The following MAP3K7CL variants were observed in gnomAD, a reference collection of about 807,000 sequenced individuals.
MAP3K7CL encodes MAP3K7 C-terminal-like protein.
In MAP3K7CL, 16 loss-of-function variants were observed where a neutral mutation model predicts 18.6. The ratio of observed to expected loss-of-function variants is 0.86; its 90% CI spans 0.58 to 1.31. The LOEUF (loss-of-function observed/expected upper bound fraction) is 1.31, where lower values mean the gene tolerates loss of function less well. Ranked by LOEUF, MAP3K7CL falls within the 50% of genes most tolerant of loss-of-function variation. The probability of loss-of-function intolerance (pLI) is 0.00; values close to 1 mark genes in which losing one functional copy is unlikely to be tolerated. For synonymous variants in MAP3K7CL, 65 were observed against 66.8 expected (o/e 0.97, Z 0.13); for missense variants, 163 against 174.4 (o/e 0.93, Z 0.37).
At chr21:29,109,111 A>T (rs1326931705) in intron 4 of MAP3K7CL, 2 of 1,535,184 alleles carry the variant, frequency 1.3e-6, no homozygotes, top group African/African-American at 2.7e-5. Flanking sequence ...AATTATGAAG[A>T]CCACCTGGGC....
chr21:29,112,064 A>G (rs2086428762), intron 4 of MAP3K7CL, among the ~76,000 whole-genome samples: 1 of 152,194 alleles, frequency 6.6e-6, no homozygotes, highest in African/African-American at 2.4e-5. Context: ...TGGGAGGCCT[A>G]GGCGGGAGGA....
intron 4 of MAP3K7CL, among the ~76,000 whole-genome samples, chr21:29,110,033 T>C (rs141675144): frequency 1.3e-4 from 20 of 152,368 alleles, no homozygotes; most frequent in Middle Eastern, 3.4e-3. Flanking sequence ...GTGTACTTAC[T>C]TGCATTTCTG....
chr21:29,159,772 A>G (rs1043179491), intron 3 of MAP3K7CL, among the ~76,000 whole-genome samples, 169 bp from the exon 4 acceptor site: 3 of 152,142 alleles, frequency 2.0e-5, no homozygotes, highest in African/African-American at 7.2e-5. Context: ...TTTTCAGTCA[A>G]ATAGAATCAG....
At chr21:29,165,990 T>C (rs528292667) in intron 4 of MAP3K7CL, among the ~76,000 whole-genome samples, 1 of 152,222 alleles carries the variant, frequency 6.6e-6, no homozygotes, top group South Asian at 2.1e-4. Flanking sequence ...TCCTCAAACA[T>C]TTGTCATATC....
intron 2 of MAP3K7CL, among the ~76,000 whole-genome samples, chr21:29,137,537 A>G (rs1447982429): frequency 6.6e-6 from 1 of 152,192 alleles, no homozygotes; most frequent in Non-Finnish European, 1.5e-5. Flanking sequence ...GGTACTAGAT[A>G]CAAAAAAGGG....
At chr21:29,162,298 A>AATTTATGTGTAGCT (rs1270643493) in intron 4 of MAP3K7CL, among the ~76,000 whole-genome samples, 1 of 149,934 alleles carries the variant, frequency 6.7e-6, no homozygotes, top group East Asian at 2.0e-4. Context: ...ATTTAAATTA[A>AATTTATGTGTAGCT]ATTTATGTGT....
chr21:29,123,339 C>T (rs564416302), intron 4 of MAP3K7CL, among the ~76,000 whole-genome samples: 1 of 152,186 alleles, frequency 6.6e-6, no homozygotes, highest in Non-Finnish European at 1.5e-5. Flanking sequence ...CCTGGGATTA[C>T]AGGCATGAGC....
chr21:29,169,739 T>G (rs1003810032), intron 4 of MAP3K7CL, among the ~76,000 whole-genome samples: 1 of 152,212 alleles, frequency 6.6e-6, no homozygotes, highest in African/African-American at 2.4e-5. Context: ...GTAAAGAATC[T>G]CCTTAATTTT....
intron 1 of MAP3K7CL, among the ~76,000 whole-genome samples, chr21:29,086,571 C>T (rs767875734): frequency 6.6e-6 from 1 of 152,144 alleles, no homozygotes; most frequent in Non-Finnish European, 1.5e-5. Context: ...ATTTCACTTC[C>T]GTGATGAGCA....
chr21:29,165,993 G>A (rs1443686965), intron 4 of MAP3K7CL, among the ~76,000 whole-genome samples: 6 of 152,134 alleles, frequency 3.9e-5, no homozygotes, highest in Non-Finnish European at 8.8e-5. Flanking sequence ...TCAAACATTT[G>A]TCATATCTTT....
chr21:29,105,092 G>A (rs1472869750), intron 4 of MAP3K7CL, among the ~76,000 whole-genome samples: 1 of 152,226 alleles, frequency 6.6e-6, no homozygotes, highest in Admixed American at 6.5e-5. Flanking sequence ...GGAGCTGTCT[G>A]ATTTCCACCC....
chr21:29,078,628 A>G (rs1167277949), intron 1 of MAP3K7CL, among the ~76,000 whole-genome samples: 1 of 152,208 alleles, frequency 6.6e-6, no homozygotes, highest in Non-Finnish European at 1.5e-5. Context: ...GTAACTTCCA[A>G]TGTGGGTCAG....
chr21:29,098,813 TC>T (rs1191128025), intron 4 of MAP3K7CL, among the ~76,000 whole-genome samples: 1 of 152,238 alleles, frequency 6.6e-6, no homozygotes, highest in Non-Finnish European at 1.5e-5. Flanking sequence ...CTGGGCTTCT[TC>T]CTTTTGAGGA....
At chr21:29,109,032 C>A (rs1037081901) in intron 4 of MAP3K7CL, 1 of 1,517,846 alleles carries the variant, frequency 6.6e-7, no homozygotes, top group Non-Finnish European at 8.8e-7. Context: ...AATTCTACTT[C>A]CTACTAGGTT....
chr21:29,168,541 G>A (rs2123223891), intron 4 of MAP3K7CL, among the ~76,000 whole-genome samples: 1 of 152,300 alleles, frequency 6.6e-6, no homozygotes, highest in Non-Finnish European at 1.5e-5. Context: ...CCATCAGGCT[G>A]TGAGTTTAAG....
chr21:29,160,109 AC>A, intron 4 of MAP3K7CL, 53 bp downstream of exon 4: 1 of 1,450,886 alleles, frequency 6.9e-7, no homozygotes, highest in Non-Finnish European at 9.6e-7. Flanking sequence ...CTGGGCAAGG[AC>A]CAGGGGCAAT....
intron 3 of MAP3K7CL, among the ~76,000 whole-genome samples, chr21:29,157,162 C>T (rs1313745592): frequency 2.6e-5 from 4 of 152,062 alleles, no homozygotes; most frequent in African/African-American, 7.2e-5. Context: ...CCATCTTAAC[C>T]ATTTCTAAGT....
At chr21:29,154,394 T>C (rs2087350541) in intron 3 of MAP3K7CL, among the ~76,000 whole-genome samples, 1 of 147,180 alleles carries the variant, frequency 6.8e-6, no homozygotes, top group African/African-American at 2.5e-5. Flanking sequence ...AATATGACTT[T>C]TTTTTTTTTT....
intron 4 of MAP3K7CL, among the ~76,000 whole-genome samples, chr21:29,114,783 G>A (rs1208891744): frequency 6.6e-6 from 1 of 152,230 alleles, no homozygotes; most frequent in Non-Finnish European, 1.5e-5. Flanking sequence ...GTAGGGTGTA[G>A]ACCAGGCCCT....
Sources: allele counts gnomAD v4.1 joint callset (sites outside exome capture counted in the v4.1 genomes callset), GRCh38; gene constraint gnomAD v4.1.1; transcripts MANE v1.5; gene names NCBI Gene and HGNC (gene_info 2026-07-23, HGNC 2026-07-21).